Variants in NUP214 observed in about 807,000 individuals in gnomAD.
NUP214 encodes the protein nuclear pore complex protein Nup214.
Under a neutral mutation model 196.2 loss-of-function variants are expected in NUP214, and 79 were observed. That is an observed-to-expected ratio of 0.40 (90% CI 0.34 to 0.49). The LOEUF is 0.49. Among genes scored for constraint, NUP214 ranks in the 20% least tolerant of loss-of-function variants. The pLI is 0.58. For missense variants in NUP214, 2,468 were observed against 2,539.0 expected (o/e 0.97, Z 0.60); for synonymous variants, 1,020 against 990.5 (o/e 1.03, Z -0.56).
intron 31 of NUP214, among the ~76,000 whole-genome samples, chr9:131,217,868 T>C (rs1588174598): frequency 6.6e-6 from 1 of 152,326 alleles, no homozygotes; most frequent in South Asian, 2.1e-4. Flanking sequence ...CTGCAGCTGG[T>C]TTGCACGGAC....
At chr9:131,220,951 G>C (rs1834539564) in intron 31 of NUP214, among the ~76,000 whole-genome samples, 1 of 152,184 alleles carries the variant, frequency 6.6e-6, no homozygotes, top group South Asian at 2.1e-4. Flanking sequence ...GTTGCACCAA[G>C]TTTCTCCAAG....
rs1337766782 is a variant in NUP214, at chr9:131,192,228, G to C, written c.3595G>C (p.Ala1199Pro). Reference sequence around the variant, plus strand: ...TTCAGGGACAGCCAAGATAGAAACAGCTGTGACTTCAACCCCATCTGCTTC... The same window carrying C: ...TTCAGGGACAGCCAAGATAGAAACACCTGTGACTTCAACCCCATCTGCTTC... ...KASGTAKIET[A>P]VTSTPSASGQ... Residue 1199 changes from alanine to proline, a missense_variant, in exon 27 of 36, where the codon GCT becomes CCT. Ala to Pro is a conservative substitution (Grantham distance 27). Transcript: ENST00000359428. 26 of 955,604 alleles carry C rather than the reference G, an allele frequency of 2.7e-5. No individual in the cohort carries two copies. The highest frequency in any genetic ancestry group is 3.9e-5 in the Non-Finnish European group (26 of 673,400). 59.2% of individuals were successfully genotyped at this position (955,604 alleles called of 1,614,324 possible).
chr9:131,160,607 T>G (rs1277957453), intron 18 of NUP214, among the ~76,000 whole-genome samples: 3 of 152,218 alleles, frequency 2.0e-5, no homozygotes, highest in Non-Finnish European at 4.4e-5. Flanking sequence ...TGATTAATGA[T>G]TAGCTAGCCC....
intron 11 of NUP214, 138 bp from the exon 12 acceptor site, chr9:131,144,142 C>T (rs576434267): frequency 1.5e-6 from 1 of 689,406 alleles, no homozygotes; most frequent in African/African-American, 1.8e-5. Context: ...AACTGTGTAC[C>T]CATGTGTTCT....
chr9:131,175,511 T>C lies in NUP214; in HGVS notation c.3209T>C (p.Leu1070Pro). ...IIPQGADSTM[L>P]ATKTVKHGAP... Reference sequence around the variant, plus strand: ...CCTCAAGGGGCCGATAGCACAATGCTTGCCACGAAAACCGTGAAACATGGT... The same window carrying C: ...CCTCAAGGGGCCGATAGCACAATGCCTGCCACGAAAACCGTGAAACATGGT... The change falls in exon 23 of 36, where the codon CTT becomes CCT. Residue 1070 changes from leucine (L) to proline (P), a missense_variant. Leu to Pro is a moderately conservative substitution (Grantham distance 98). Around this residue, in one of 5 missense-constraint regions of NUP214, gnomAD observed 1,801 missense variants for 1,779.4 expected, o/e 1.01. Coordinates refer to ENST00000359428, the MANE Select transcript of NUP214 (RefSeq NM_005085.4). 6.2e-7 allele frequency: 1 copy of C among 1,614,242 alleles called. No homozygotes were observed. The highest frequency in any genetic ancestry group is 1.1e-5 in the South Asian group (1 of 91,086).
rs1833860016 is a variant in NUP214, at chr9:131,198,621, C to T, written c.5127C>T (p.Ser1709=). Residue 1709 remains serine, a synonymous_variant, in exon 29 of 36, where the codon AGC becomes AGT. Transcript: ENST00000359428. ...CACAGGTCAGCAGCTCAGGGTTTAG[C>T]AGCCCAGCTTTTGGTACCACAGCCC... ...ATPQVSSSGF[S]SPAFGTTAPG... 1.2e-6 allele frequency: 2 copies of T among 1,614,262 alleles called. No homozygotes were observed. Among genetic ancestry groups the T allele is most frequent in the Non-Finnish European group, 1.7e-6 (2 of 1,180,038 alleles).
intron 17 of NUP214, among the ~76,000 whole-genome samples, chr9:131,155,898 T>A (rs1238422565): frequency 6.6e-6 from 1 of 152,232 alleles, no homozygotes; most frequent in Non-Finnish European, 1.5e-5. Context: ...TAGTATAGTT[T>A]GAAGTCAGAT....
At chr9:131,138,999 A>G (rs2133472169) in intron 9 of NUP214, among the ~76,000 whole-genome samples, 1 of 152,294 alleles carries the variant, frequency 6.6e-6, no homozygotes, top group Non-Finnish European at 1.5e-5. Flanking sequence ...AATGTTCATG[A>G]TAGTGGTTAT....
chr9:131,146,067 A>G lies in NUP214; in HGVS notation c.1770-62A>G. On this transcript the variant is annotated intron_variant, in intron 12 of 35. Coordinates refer to ENST00000359428, the MANE Select transcript of NUP214 (RefSeq NM_005085.4). This position sits in a 1 kb window ranked among gnomAD's most constrained non-coding sequence, Gnocchi z 4.6. ...AAGTTATCTTTTGATGACATTGCTC[A>G]TGCTAGTGTAAAAGAATCTTCTAGC... 1 of 1,414,072 alleles carries G rather than the reference A, an allele frequency of 7.1e-7. No individual in the cohort carries two copies. The highest frequency in any genetic ancestry group is 1.2e-5 in the South Asian group (1 of 85,830). 87.6% of individuals were successfully genotyped at this position (1,414,072 alleles called of 1,614,324 possible). A position where few individuals can be genotyped will look rare whatever the true frequency, so the allele number is the denominator to read the frequency against.
At chr9:131,150,151 A>G (rs1832213632) in intron 14 of NUP214, 173 bp from the exon 15 acceptor site, 2 of 583,812 alleles carry the variant, frequency 3.4e-6, no homozygotes, top group South Asian at 2.2e-5. Context: ...CTCTACCTGC[A>G]CTGTCTAGAA....
chr9:131,231,188 C>CATATAT (rs35184563), intron 34 of NUP214, among the ~76,000 whole-genome samples: 3 of 147,798 alleles, frequency 2.0e-5, no homozygotes, highest in African/African-American at 5.1e-5. Flanking sequence ...GTGGTTGAAA[C>CATATAT]ATATATATAT....
intron 29 of NUP214, 54 bp downstream of exon 29, chr9:131,199,069 T>C: frequency 6.6e-7 from 1 of 1,524,046 alleles, no homozygotes; most frequent in Non-Finnish European, 8.8e-7. Context: ...TTTGAAACAT[T>C]AGCAACAGAC....
chr9:131,179,976 A>C (rs1833226827), intron 24 of NUP214, among the ~76,000 whole-genome samples: 1 of 152,252 alleles, frequency 6.6e-6, no homozygotes, highest in Non-Finnish European at 1.5e-5. Flanking sequence ...CATATGGTAC[A>C]GGAAGTATTG....
chr9:131,128,067 T>C (rs1831418008), intron 2 of NUP214, among the ~76,000 whole-genome samples: 1 of 152,228 alleles, frequency 6.6e-6, no homozygotes, highest in Non-Finnish European at 1.5e-5. Flanking sequence ...CAAGGTGTAC[T>C]ATTTAGAGCA....
chr9:131,209,948 A>C (rs932941769), intron 30 of NUP214, among the ~76,000 whole-genome samples: 1 of 152,162 alleles, frequency 6.6e-6, no homozygotes, highest in African/African-American at 2.4e-5. Flanking sequence ...CAGACCAATA[A>C]CCTAAAACCT....
rs549872293 is a variant in NUP214 at position 131,137,384 on chromosome 9, G to T, written c.1005+1378G>T. On this transcript the variant is annotated intron_variant, in intron 9 of 35. Coordinates refer to ENST00000359428, the MANE Select transcript of NUP214 (RefSeq NM_005085.4). ...AAAATCTGCTTTATAACTAGTAATT[G>T]GTTATTAGTTTTAGACCTTACTGAC... Among the ~76,000 whole-genome samples, 32 of 152,112 alleles carry T rather than the reference G, an allele frequency of 2.1e-4. 1 individual carries two copies. In the South Asian group the frequency reaches 6.6e-3, roughly 32 times the overall value.
intron 9 of NUP214, among the ~76,000 whole-genome samples, chr9:131,138,882 C>T (rs1159508883): frequency 6.6e-6 from 1 of 152,142 alleles, no homozygotes; most frequent in Non-Finnish European, 1.5e-5. Flanking sequence ...AGTTCCTGGC[C>T]CCAATCCAAA....
At position 131,144,364 on chromosome 9, in the gene NUP214, C is replaced by T. The variant is rs775841047; in HGVS notation, c.1379C>T (p.Pro460Leu). ...GCTGCAGCCCCTGCCTCTCTGCCAC[C>T]TTCATCACCTGCTGCTCCCATTGCC... is the stretch of plus-strand genomic sequence containing the variant. ...SAAAAPASLP[P>L]SSPAAPIATF... Residue 460 changes from proline to leucine, a missense_variant, in exon 12 of 36, where the codon CCT (proline) becomes CTT (leucine). Physicochemically the swap from Pro to Leu is moderately conservative, Grantham distance 98 (BLOSUM62 -3). Transcript: ENST00000359428. The T allele has an allele frequency of 6.8e-6, 11 of 1,614,036 alleles. No homozygotes were observed. In the Middle Eastern group the frequency reaches 6.6e-4, roughly 97 times the overall value.
chr9:131,151,791 G>A lies in NUP214; in HGVS notation c.2333G>A (p.Gly778Asp). Residue 778 changes from glycine to aspartate, a missense_variant, in exon 17 of 36, where the codon GGT becomes GAT. Transcript: ENST00000359428. The part of the protein sequence containing the change: ...LKTTLLEGFA[G>D]VEEAREQNER... ...ACAACTTTACTTGAGGGCTTTGCTG[G>A]TGTTGAGGAAGCCAGAGAACAAAAT... The A allele has an allele frequency of 6.2e-7, 1 of 1,613,616 alleles. No individual in the cohort carries two copies. The highest frequency in any genetic ancestry group is 8.5e-7 in the Non-Finnish European group (1 of 1,179,910).
Sources: gnomAD v4.1 joint callset for allele counts (sites outside exome capture counted in the v4.1 genomes callset) on GRCh38, gnomAD v4.1.1 for gene constraint, gnomAD v4.1.1 regional missense constraint, Gnocchi (gnomAD v3.1) non-coding constraint, MANE v1.5 for transcripts, NCBI Gene and HGNC (gene_info 2026-07-23, HGNC 2026-07-21) for gene names.